PTPRK: variants seen among roughly 807,000 people sequenced by gnomAD.
PTPRK encodes protein tyrosine phosphatase receptor type K.
Under a neutral mutation model 178.0 loss-of-function variants are expected in PTPRK, and 75 were observed. The observed-to-expected ratio is 0.42, with a 90% confidence interval of 0.35 to 0.51. The LOEUF (loss-of-function observed/expected upper bound fraction) is 0.51, where lower values mean the gene tolerates loss of function less well. Among genes scored for constraint, PTPRK ranks in the 20% least tolerant of loss-of-function variants. The probability of loss-of-function intolerance (pLI) is 0.02; values close to 1 mark genes in which losing one functional copy is unlikely to be tolerated. For missense variants in PTPRK, 1,441 were observed against 1,797.8 expected (o/e 0.80, Z 3.59); for synonymous variants, 637 against 620.6 (o/e 1.03, Z -0.39).
intron 1 of PTPRK, among the ~76,000 whole-genome samples, chr6:128,453,515 C>A (rs1166932672): frequency 1.3e-5 from 2 of 152,134 alleles, no homozygotes; most frequent in African/African-American, 4.8e-5. Flanking sequence ...CAAATGTTAA[C>A]ATTATTTTTT....
intron 9 of PTPRK, among the ~76,000 whole-genome samples, 175 bp from the exon 10 acceptor site, chr6:128,082,813 A>G (rs1254300175): frequency 1.3e-5 from 2 of 151,946 alleles, no homozygotes; most frequent in African/African-American, 4.8e-5. Context: ...AGTTCTGTCT[A>G]TATGTCAATC....
intron 3 of PTPRK, among the ~76,000 whole-genome samples, chr6:128,266,355 T>C (rs1818946501): frequency 6.6e-6 from 1 of 152,100 alleles, no homozygotes; most frequent in African/African-American, 2.4e-5. Flanking sequence ...TCCCTTCACT[T>C]TCCAGTGGTC....
intron 6 of PTPRK, among the ~76,000 whole-genome samples, chr6:128,193,964 A>G (rs1364070069): frequency 2.0e-5 from 3 of 151,620 alleles, no homozygotes; most frequent in Admixed American, 1.3e-4. Context: ...CTATAGGGAA[A>G]CTAAAAAGTA....
At chr6:128,156,821 G>A (rs989136773) in intron 7 of PTPRK, among the ~76,000 whole-genome samples, 29 of 151,942 alleles carry the variant, frequency 1.9e-4, no homozygotes, top group African/African-American at 6.8e-4. Flanking sequence ...ACATGTGTCT[G>A]TATGTATATA....
At chr6:128,449,862 G>A (rs1274556382) in intron 1 of PTPRK, among the ~76,000 whole-genome samples, 4 of 151,304 alleles carry the variant, frequency 2.6e-5, no homozygotes, top group Non-Finnish European at 4.4e-5. Flanking sequence ...TTGGGAGGGC[G>A]AGGCAGAAGA....
At chr6:128,190,284 G>T (rs1223432861) in intron 6 of PTPRK, among the ~76,000 whole-genome samples, 2 of 151,972 alleles carry the variant, frequency 1.3e-5, no homozygotes, top group Non-Finnish European at 2.9e-5. Flanking sequence ...CAAATTTTCA[G>T]TTCTCACAAG....
At chr6:128,508,181 G>A (rs906075820) in intron 1 of PTPRK, among the ~76,000 whole-genome samples, 4 of 152,046 alleles carry the variant, frequency 2.6e-5, no homozygotes, top group African/African-American at 9.7e-5. Flanking sequence ...ACTAGATGTG[G>A]GCAGCGATGC....
intron 7 of PTPRK, among the ~76,000 whole-genome samples, chr6:128,105,962 A>G (rs754068682): frequency 6.6e-6 from 1 of 152,180 alleles, no homozygotes; most frequent in African/African-American, 2.4e-5. Context: ...CCTGGCTTCT[A>G]TGTGTTTTTC....
At chr6:128,379,735 T>C (rs192391787) in intron 2 of PTPRK, among the ~76,000 whole-genome samples, 37 of 152,292 alleles carry the variant, frequency 2.4e-4, no homozygotes, top group Non-Finnish European at 3.4e-4. Flanking sequence ...CTCAGACTCT[T>C]ATGAAACATT....
intron 15 of PTPRK, 149 bp from the exon 16 acceptor site, chr6:127,999,053 A>T: frequency 1.7e-6 from 1 of 582,172 alleles, no homozygotes; most frequent in Non-Finnish European, 2.6e-6. Flanking sequence ...GTATAGGCCT[A>T]GACAGTATCC....
chr6:128,063,897 G>T (rs559310477), intron 13 of PTPRK, among the ~76,000 whole-genome samples: 2 of 152,030 alleles, frequency 1.3e-5, no homozygotes, highest in Non-Finnish European at 2.9e-5. Context: ...ACAGAATATG[G>T]CCATTGATTT....
At chr6:127,988,215 A>G (rs9375541) in intron 21 of PTPRK, among the ~76,000 whole-genome samples, 948 of 80,194 alleles carry the variant, frequency 0.012, 18 homozygotes, top group African/African-American at 0.029. Flanking sequence ...AGAGGAAGAG[A>G]GAGAAGAAAG....
chr6:128,082,350 C>T (rs1042656494), intron 10 of PTPRK, 87 bp downstream of exon 10: 44 of 1,243,774 alleles, frequency 3.5e-5, no homozygotes, highest in Non-Finnish European at 4.8e-5. Flanking sequence ...AGATGAACTA[C>T]ACTTGGTTTA....
intron 5 of PTPRK, among the ~76,000 whole-genome samples, chr6:128,224,564 C>T (rs912380069): frequency 2.0e-5 from 3 of 152,172 alleles, no homozygotes; most frequent in East Asian, 1.9e-4. Context: ...CAAGAGATCA[C>T]TTTAGATATA....
intron 2 of PTPRK, among the ~76,000 whole-genome samples, chr6:128,346,668 C>T (rs981601409): frequency 1.3e-5 from 2 of 152,052 alleles, no homozygotes; most frequent in Non-Finnish European, 2.9e-5. Flanking sequence ...TAAGACCAAA[C>T]CAGTTTAATT....
chr6:128,233,305 C>CA (rs952115322), intron 5 of PTPRK, among the ~76,000 whole-genome samples: 1 of 152,156 alleles, frequency 6.6e-6, no homozygotes, highest in Admixed American at 6.5e-5. Flanking sequence ...CCAATTAACT[C>CA]AATTGTTTAG....
At chr6:128,062,001 T>C (rs898999816) in intron 13 of PTPRK, 2 of 152,204 alleles carry the variant, frequency 1.3e-5, no homozygotes, top group African/African-American at 2.4e-5. Flanking sequence ...ACCAGAAGGT[T>C]CCTTCATGCC....
Position 128,078,922 on chromosome 6 carries a change from A to G in PTPRK, c.1778-4T>C. The G allele has an allele frequency of 6.4e-7, 1 of 1,572,900 alleles. No individual in the cohort carries two copies. The highest frequency in any genetic ancestry group is 8.7e-7 in the Non-Finnish European group (1 of 1,143,050). On this transcript the variant is annotated splice_polypyrimidine_tract_variant and splice_region_variant and intron_variant, in intron 10 of 29. Coordinates refer to ENST00000368226, the MANE Select transcript of PTPRK (RefSeq NM_002844.4). Reference sequence around the variant, plus strand: ...TCATAGTCAGGTAAAGTTGGAGCTGATGAGTGATTAATGAGATAAAAAAGG... The same window carrying G: ...TCATAGTCAGGTAAAGTTGGAGCTGGTGAGTGATTAATGAGATAAAAAAGG...
intron 2 of PTPRK, among the ~76,000 whole-genome samples, chr6:128,350,468 T>C (rs2128336732): frequency 6.6e-6 from 1 of 152,234 alleles, no homozygotes; most frequent in South Asian, 2.1e-4. Flanking sequence ...GTAGAGGCAG[T>C]GCACAGAAAG....
Sources: allele counts gnomAD v4.1 joint callset (sites outside exome capture counted in the v4.1 genomes callset), GRCh38; gene constraint gnomAD v4.1.1; transcripts MANE v1.5; gene names NCBI Gene and HGNC (gene_info 2026-07-23, HGNC 2026-07-21).